The following DACH1 variants were observed in gnomAD, a reference collection of about 807,000 sequenced individuals.
DACH1 encodes dachshund family transcription factor 1, also known as dachshund homolog 1.
A neutral mutation model predicts 54.2 loss-of-function variants in DACH1; 12 were observed. The ratio of observed to expected loss-of-function variants is 0.22; its 90% CI spans 0.14 to 0.36. The LOEUF (loss-of-function observed/expected upper bound fraction) is 0.36, where lower values mean the gene tolerates loss of function less well. Ranked by LOEUF, DACH1 falls within the 10% of genes least tolerant of loss-of-function variation. DACH1 has a pLI of 1.00. For synonymous variants in DACH1, 386 were observed against 366.2 expected (o/e 1.05, Z -0.62); for missense variants, 805 against 929.8 (o/e 0.87, Z 1.75).
intron 1 of DACH1, among the ~76,000 whole-genome samples, chr13:71,690,452 C>T (rs1486497989): frequency 2.0e-5 from 3 of 152,120 alleles, no homozygotes; most frequent in Non-Finnish European, 1.5e-5. Flanking sequence ...CCCACAACAC[C>T]TCTCTTTTAC....
intron 1 of DACH1, among the ~76,000 whole-genome samples, chr13:71,705,610 GTA>G (rs1566446023): frequency 3.3e-5 from 5 of 152,192 alleles, no homozygotes; most frequent in African/African-American, 1.2e-4. Flanking sequence ...ATCAATGAAT[GTA>G]TAGGCAGATA....
At chr13:71,690,113 T>C (rs1881397900) in intron 1 of DACH1, among the ~76,000 whole-genome samples, 1 of 152,132 alleles carries the variant, frequency 6.6e-6, no homozygotes, top group Non-Finnish European at 1.5e-5. Flanking sequence ...CTTTATAAAG[T>C]GAATCAAGTC....
At chr13:71,689,401 G>A (rs1351346377) in intron 1 of DACH1, among the ~76,000 whole-genome samples, 1 of 152,108 alleles carries the variant, frequency 6.6e-6, no homozygotes, top group Non-Finnish European at 1.5e-5. Flanking sequence ...AAAGGGAAAG[G>A]TTTACAAAGC....
intron 8 of DACH1, 129 bp from the exon 9 acceptor site, chr13:71,475,978 A>G: frequency 4.5e-6 from 3 of 662,018 alleles, no homozygotes; most frequent in Non-Finnish European, 6.5e-6. Flanking sequence ...ACCTATAAAA[A>G]GAAAGTTCCA....
chr13:71,535,712 TA>T (rs1480223788), intron 6 of DACH1, among the ~76,000 whole-genome samples: 1 of 152,074 alleles, frequency 6.6e-6, no homozygotes. Context: ...ATCTTGATTT[TA>T]TATCTTTTTG....
chr13:71,811,994 A>G (rs193296610), intron 1 of DACH1, among the ~76,000 whole-genome samples: 68 of 152,152 alleles, frequency 4.5e-4, no homozygotes, highest in African/African-American at 1.6e-3. Flanking sequence ...TGTATTTGAA[A>G]TCTTTTAAAA....
chr13:71,741,989 C>T (rs2137949908), intron 1 of DACH1, among the ~76,000 whole-genome samples: 1 of 152,256 alleles, frequency 6.6e-6, no homozygotes, highest in African/African-American at 2.4e-5. Context: ...TCCCACAATT[C>T]CCACATGTTG....
At chr13:71,475,874 T>C in intron 8 of DACH1, 25 bp from the exon 9 acceptor site, 1 of 1,454,124 alleles carries the variant, frequency 6.9e-7, no homozygotes, top group Non-Finnish European at 9.1e-7. Context: ...ATGCATATTA[T>C]TATTATTATT....
chr13:71,810,593 A>G (rs1887671992), intron 1 of DACH1, among the ~76,000 whole-genome samples: 1 of 152,184 alleles, frequency 6.6e-6, no homozygotes, highest in African/African-American at 2.4e-5. Context: ...GGAAAAGAAA[A>G]TACTATGAAT....
chr13:71,762,852 T>A lies in DACH1; in HGVS notation c.849-80942A>T, dbSNP rs901891316. Among the ~76,000 whole-genome samples the A allele has an allele frequency of 3.9e-5, 6 of 151,962 alleles. 1 individual carries two copies. Among genetic ancestry groups the A allele is most frequent in the Admixed American group, 3.3e-4 (5 of 15,262 alleles). ...AAAATTTACCTTCAAATTTAAAATTTGGTACTATTAATATTGGACCAATTT... is the reference window on the plus strand; with the variant it reads ...AAAATTTACCTTCAAATTTAAAATTAGGTACTATTAATATTGGACCAATTT... On this transcript the variant is annotated intron_variant, in intron 1 of 10. Transcript: ENST00000613252.
chr13:71,467,214 G>C (rs1311810300), intron 10 of DACH1, among the ~76,000 whole-genome samples: 1 of 151,324 alleles, frequency 6.6e-6, no homozygotes, highest in Non-Finnish European at 1.5e-5. Flanking sequence ...AGCATATCCA[G>C]TTACATTAAA....
At chr13:71,750,802 T>C (rs1424930303) in intron 1 of DACH1, among the ~76,000 whole-genome samples, 2 of 152,176 alleles carry the variant, frequency 1.3e-5, no homozygotes, top group Non-Finnish European at 2.9e-5. Context: ...CAATATGTAG[T>C]TCACATAATT....
In DACH1 at chr13:71,813,083, G is replaced by A. The variant is rs537576632; in HGVS notation, c.848+52839C>T. Among the ~76,000 whole-genome samples, 233 of 152,174 alleles carry A rather than the reference G, an allele frequency of 1.5e-3. 2 individuals are homozygous for A. Among genetic ancestry groups the A allele is most frequent in the Non-Finnish European group, 2.6e-3 (179 of 68,006 alleles). On this transcript the variant is annotated intron_variant, in intron 1 of 10. Coordinates refer to ENST00000613252, the MANE Select transcript of DACH1 (RefSeq NM_080759.6). Reference sequence around the variant, plus strand: ...TAGCATCTTAAACATATTAACAATGGTCTAACAAATATAATGGACTTTATT... The same window carrying A: ...TAGCATCTTAAACATATTAACAATGATCTAACAAATATAATGGACTTTATT...
intron 6 of DACH1, among the ~76,000 whole-genome samples, chr13:71,546,412 C>T (rs1413491719): frequency 2.0e-5 from 3 of 151,728 alleles, no homozygotes; most frequent in Non-Finnish European, 2.9e-5. Context: ...ATAAATGGCT[C>T]CTCCTGAAAT....
At chr13:71,499,097 A>T (rs947139796) in intron 6 of DACH1, among the ~76,000 whole-genome samples, 2 of 144,976 alleles carry the variant, frequency 1.4e-5, no homozygotes, top group Non-Finnish European at 3.0e-5. Context: ...AAACACACAC[A>T]CATGCGAGCA....
chr13:71,707,482 A>C lies in DACH1; in HGVS notation c.849-25572T>G, dbSNP rs111800042. On this transcript the variant is annotated intron_variant, in intron 1 of 10. Coordinates refer to ENST00000613252, the MANE Select transcript of DACH1 (RefSeq NM_080759.6). ...GGAGTAGCCCTGAGCCTCCCTGAACACTTGGTCATGAAAGTGAACTGGAAT... is the reference window on the plus strand; with the variant it reads ...GGAGTAGCCCTGAGCCTCCCTGAACCCTTGGTCATGAAAGTGAACTGGAAT... Among the ~76,000 whole-genome samples, 7 of 152,298 alleles carry C rather than the reference A, an allele frequency of 4.6e-5. 1 individual carries two copies. The highest frequency in any genetic ancestry group is 1.7e-4 in the African/African-American group (7 of 41,562).
chr13:71,792,553 T>C (rs9599883), intron 1 of DACH1, among the ~76,000 whole-genome samples: 42,281 of 152,056 alleles, frequency 0.28, 6,235 homozygotes, highest in African/African-American at 0.3. Context: ...ACAAAAAATA[T>C]TGTCAAACTC....
At chr13:71,646,260 C>A (rs544337259) in intron 2 of DACH1, among the ~76,000 whole-genome samples, 1 of 151,682 alleles carries the variant, frequency 6.6e-6, no homozygotes, top group Non-Finnish European at 1.5e-5. Flanking sequence ...TCACTTGAAC[C>A]CGGGAGGCAG....
At chr13:71,810,230 T>G (rs956269690) in intron 1 of DACH1, among the ~76,000 whole-genome samples, 6 of 152,190 alleles carry the variant, frequency 3.9e-5, no homozygotes, top group Non-Finnish European at 8.8e-5. Flanking sequence ...TTAGAAAGAA[T>G]TAATCCATTT....
Sources: allele counts gnomAD v4.1 joint callset (sites outside exome capture counted in the v4.1 genomes callset), GRCh38; gene constraint gnomAD v4.1.1; transcripts MANE v1.5; gene names NCBI Gene and HGNC (gene_info 2026-07-23, HGNC 2026-07-21).